The following VPS13D variants were observed in gnomAD, a reference collection of about 807,000 sequenced individuals.
The protein encoded by VPS13D is intermembrane lipid transfer protein VPS13D.
VPS13D carries 187 observed loss-of-function variants against 461.9 expected under a neutral mutation model. The ratio of observed to expected loss-of-function variants is 0.40; its 90% CI spans 0.36 to 0.46. VPS13D has a LOEUF of 0.46. Ranked by LOEUF, VPS13D falls within the 20% of genes least tolerant of loss-of-function variation. The probability of loss-of-function intolerance (pLI) is 0.60; values close to 1 mark genes in which losing one functional copy is unlikely to be tolerated. For missense variants in VPS13D, 4,711 were observed against 5,364.9 expected, an observed-to-expected ratio of 0.88 and a Z score of 3.81; for synonymous variants, 1,951 against 1,986.3, an observed-to-expected ratio of 0.98 and a Z score of 0.47.
Position 12,507,216 on chromosome 1 carries a change from T to A in VPS13D, c.13035+123T>A. ...GTTGAGGCTGGGCCCTTCCCAGGAG[T>A]GCTGCCTCTCAGTCCTGAACATGGG... On this transcript the variant is annotated intron_variant, in intron 69 of 69. Coordinates refer to ENST00000620676, the MANE Select transcript of VPS13D (RefSeq NM_015378.4). This position sits in a 1 kb window ranked among gnomAD's most constrained non-coding sequence, Gnocchi z 5.3. 6.5e-7 allele frequency: 1 copy of A among 1,549,760 alleles called. No individual in the cohort carries two copies. The highest frequency in any genetic ancestry group is 8.8e-7 in the Non-Finnish European group (1 of 1,130,746).
Position 12,277,681 on chromosome 1 carries a change from C to G in VPS13D, c.4093C>G (p.Leu1365Val). The G allele has an allele frequency of 1.9e-6, 3 of 1,614,156 alleles. No individual in the cohort carries two copies. The highest frequency in any genetic ancestry group is 2.5e-6 in the Non-Finnish European group (3 of 1,180,024). ...LEENEIYGFDLASSHLDTVKL... is the reference protein window; with the variant it reads ...LEENEIYGFDVASSHLDTVKL... Reference sequence around the variant, plus strand: ...GGAAAATGAAATATATGGGTTTGACCTAGCTTCGTCTCATTTGGACACTGT... The same window carrying G: ...GGAAAATGAAATATATGGGTTTGACGTAGCTTCGTCTCATTTGGACACTGT... Residue 1365 changes from leucine to valine, a missense_variant, in exon 19 of 70, where the codon CTA becomes GTA. By Grantham distance (32) the Leu-to-Val change is conservative. Around this residue, in one of 3 missense-constraint regions of VPS13D, gnomAD observed 4,411 missense variants for 4,937.8 expected, o/e 0.89. Coordinates refer to ENST00000620676, the MANE Select transcript of VPS13D (RefSeq NM_015378.4).
At chr1:12,430,982 A>G (rs2100297626) in intron 65 of VPS13D, among the ~76,000 whole-genome samples, 1 of 152,376 alleles carries the variant, frequency 6.6e-6, no homozygotes, top group East Asian at 1.9e-4. Flanking sequence ...TGCCTCAACA[A>G]ATAAATTATA....
At chr1:12,445,238 C>T (rs1056638299) in intron 65 of VPS13D, among the ~76,000 whole-genome samples, 4 of 152,200 alleles carry the variant, frequency 2.6e-5, no homozygotes, top group Admixed American at 2.6e-4. Flanking sequence ...TTTTTATAAA[C>T]AAGGGTTAAT....
rs749776729 is a variant in VPS13D at position 12,506,843 on chromosome 1, C to T, written c.12795-10C>T. 20 of 1,612,928 alleles carry T rather than the reference C, an allele frequency of 1.2e-5. No individual in the cohort carries two copies. The highest frequency in any genetic ancestry group is 1.7e-4 in the Middle Eastern group (1 of 6,050). On this transcript the variant is annotated splice_polypyrimidine_tract_variant and intron_variant, in intron 68 of 69. Transcript: ENST00000620676. The stretch of plus-strand genomic sequence containing the variant: ...AGGTGTCACTCCTGTGTTCCCGTCT[C>T]GCTTTGCAGCTTCATCGCTGTGGAG...
At position 12,511,906 on chromosome 1, in the gene VPS13D, G is replaced by C. The variant is rs1646187776; in HGVS notation, c.*2882G>C. On this transcript the variant is annotated 3_prime_UTR_variant, in exon 70 of 70. Transcript: ENST00000620676. The surrounding 1 kb of genome is among the most constrained non-coding windows in gnomAD (Gnocchi z 4.5). ...CCTCAAAATACCATAGTAGCTGCTT[G>C]ATAAAATTCTAAAAATATCTGGTTC... 6.6e-6 allele frequency: 1 copy of C among 152,184 alleles called. No individual in the cohort carries two copies. The highest frequency in any genetic ancestry group is 2.1e-4 in the South Asian group (1 of 4,828). The allele number at this position is 152,184 out of a possible 1,614,324, so 9.4% of individuals were successfully genotyped here. A position where few individuals can be genotyped will look rare whatever the true frequency, so the allele number is the denominator to read the frequency against.
In VPS13D at chr1:12,311,521, G is replaced by A; in HGVS notation, c.6718G>A (p.Asp2240Asn). The change falls in exon 28 of 70, where the codon GAT (aspartate) becomes AAT (asparagine). Residue 2240 changes from aspartate to asparagine, a missense_variant. Transcript: ENST00000620676. ...TCTCTCCTCAGTCCACTGCTCTCTG[G>A]ATCTGTATAAATACAAGCTGATCCG... The part of the protein sequence containing the change: ...GNLSSVHCSL[D>N]LYKYKLIRGL... 1 of 1,614,096 alleles carries A rather than the reference G, an allele frequency of 6.2e-7. No individual in the cohort carries two copies. Among genetic ancestry groups the A allele is most frequent in the African/African-American group, 1.3e-5 (1 of 75,002 alleles).
chr1:12,408,447 T>C (rs1644683293), intron 63 of VPS13D, among the ~76,000 whole-genome samples: 1 of 152,196 alleles, frequency 6.6e-6, no homozygotes, highest in Non-Finnish European at 1.5e-5. Context: ...TACTGCAGCC[T>C]CAACCTCCTG....
chr1:12,285,742 G>T (rs1040794821), intron 21 of VPS13D, among the ~76,000 whole-genome samples: 9 of 152,160 alleles, frequency 5.9e-5, no homozygotes, highest in African/African-American at 2.2e-4. Context: ...TCCATAATCA[G>T]ATTCTCTGAT....
chr1:12,466,953 C>T (rs1031584309), intron 67 of VPS13D, among the ~76,000 whole-genome samples: 5 of 152,216 alleles, frequency 3.3e-5, no homozygotes, highest in South Asian at 2.1e-4. Context: ...ATCTTCTACT[C>T]ACCCTTGCGT....
chr1:12,357,413 AT>A (rs1184463655), intron 49 of VPS13D, among the ~76,000 whole-genome samples: 8 of 152,196 alleles, frequency 5.3e-5, no homozygotes. Context: ...TCCTGAAATG[AT>A]TTGGACAGTT....
chr1:12,257,545 A>G (rs1397742578), intron 9 of VPS13D, among the ~76,000 whole-genome samples: 1 of 152,228 alleles, frequency 6.6e-6, no homozygotes, highest in Admixed American at 6.5e-5. Context: ...AAGCTTTTTA[A>G]AGATCCTATG....
chr1:12,327,729 A>T lies in VPS13D; in HGVS notation c.8072A>T (p.Asp2691Val), dbSNP rs1643227773. 5 of 1,614,072 alleles carry T rather than the reference A, an allele frequency of 3.1e-6. No homozygotes were observed. The highest frequency in any genetic ancestry group is 4.2e-6 in the Non-Finnish European group (5 of 1,180,032). Residue 2691 changes from aspartate to valine, a missense_variant, in exon 36 of 70, where the codon GAT becomes GTT. Asp to Val is a radical substitution (Grantham distance 152, BLOSUM62 -3). Transcript: ENST00000620676. ...CTTTCCTTGGCCTCCACCAGCCGAGATAGCCCAGGGGCTGTGGCAGCGCCA... is the reference window on the plus strand; with the variant it reads ...CTTTCCTTGGCCTCCACCAGCCGAGTTAGCCCAGGGGCTGTGGCAGCGCCA... Reference protein sequence around the residue: ...KSLSLASTSRDSPGAVAAPLI... With the variant: ...KSLSLASTSRVSPGAVAAPLI...
At chr1:12,311,673 C>T (rs1308253830) in intron 28 of VPS13D, 48 bp downstream of exon 28, 14 of 1,605,220 alleles carry the variant, frequency 8.7e-6, no homozygotes, top group South Asian at 4.5e-5. Flanking sequence ...TCTCAGCTGA[C>T]GGTCACCCTG....
In VPS13D at chr1:12,460,505, T is replaced by C. The variant is rs1196308667; in HGVS notation, c.12662+109T>C. 7 of 1,029,098 alleles carry C rather than the reference T, an allele frequency of 6.8e-6. No individual in the cohort carries two copies. The African/African-American group carries it at 9.9e-5, about 15-fold the overall frequency. 63.7% of individuals were successfully genotyped at this position (1,029,098 alleles called of 1,614,324 possible). On this transcript the variant is annotated intron_variant, in intron 67 of 69. Coordinates refer to ENST00000620676, the MANE Select transcript of VPS13D (RefSeq NM_015378.4). ...TGCACTTTCTTAGTTATAGGGTTTT[T>C]AATTCAAATACTTGTAACTGAAATT...
At chr1:12,330,141 G>T (rs146981946) in intron 37 of VPS13D, among the ~76,000 whole-genome samples, 3,011 of 152,286 alleles carry the variant, frequency 0.02, 131 homozygotes, top group Admixed American at 0.11. Context: ...TTGGCTGGAC[G>T]TGGTGGCTCA....
intron 55 of VPS13D, among the ~76,000 whole-genome samples, chr1:12,378,100 T>A (rs1003777543): frequency 6.6e-6 from 1 of 152,154 alleles, no homozygotes; most frequent in Non-Finnish European, 1.5e-5. Flanking sequence ...CATGGCAGTA[T>A]AGCTAGTGTA....
At chr1:12,452,248 C>T (rs925690715) in intron 65 of VPS13D, among the ~76,000 whole-genome samples, 4 of 152,192 alleles carry the variant, frequency 2.6e-5, no homozygotes, top group Admixed American at 1.3e-4. Context: ...ATTTTTCCTT[C>T]GTCTGAATAA....
At chr1:12,409,904 A>G (rs41279468) in intron 63 of VPS13D, 1 of 456,204 alleles carries the variant, frequency 2.2e-6, no homozygotes, top group South Asian at 1.5e-5. Flanking sequence ...GGTGAGCCCA[A>G]CATTTATTTT....
At position 12,244,293 on chromosome 1, in the gene VPS13D, G is replaced by A. The variant is rs772138886; in HGVS notation, c.223G>A (p.Val75Met). 1.2e-6 allele frequency: 2 copies of A among 1,614,130 alleles called. No homozygotes were observed. The highest frequency in any genetic ancestry group is 1.7e-6 in the Non-Finnish European group (2 of 1,179,970). Residue 75 changes from valine to methionine, a missense_variant, in exon 4 of 70, where the codon GTG becomes ATG. By Grantham distance (21) the Val-to-Met change is conservative (BLOSUM62 1). Around this residue, in one of 3 missense-constraint regions of VPS13D, gnomAD observed 4,411 missense variants for 4,937.8 expected, o/e 0.89. Transcript: ENST00000620676. ...TLQIPFYRPHVDPWVISISSL... is the reference protein window; with the variant it reads ...TLQIPFYRPHMDPWVISISSL... Reference sequence around the variant, plus strand: ...TCAGATTCCCTTTTATCGCCCCCATGTGGACCCTTGGGTGATCTCCATCTC... The same window carrying A: ...TCAGATTCCCTTTTATCGCCCCCATATGGACCCTTGGGTGATCTCCATCTC...
Sources: allele counts gnomAD v4.1 joint callset (sites outside exome capture counted in the v4.1 genomes callset), GRCh38; gene constraint gnomAD v4.1.1; regional missense constraint gnomAD v4.1.1; non-coding constraint Gnocchi (gnomAD v3.1); transcripts MANE v1.5; gene names NCBI Gene and HGNC (gene_info 2026-07-23, HGNC 2026-07-21).